SPOCK1: variants seen among roughly 807,000 people sequenced by gnomAD.
SPOCK1 encodes SPARC (osteonectin), cwcv and kazal like domains proteoglycan 1, also known as testican-1.
SPOCK1 carries 23 observed loss-of-function variants against 55.3 expected under a neutral mutation model. The observed-to-expected ratio is 0.42, with a 90% CI of 0.30 to 0.59. SPOCK1 has a LOEUF of 0.59. Ranked by LOEUF, SPOCK1 falls within the 20% of genes least tolerant of loss-of-function variation. SPOCK1 has a pLI of 0.22. For synonymous variants in SPOCK1, 226 were observed against 221.0 expected (o/e 1.02, Z -0.20); for missense variants, 499 against 552.5 (o/e 0.90, Z 0.97).
At chr5:137,123,426 G>A (rs769736190) in intron 4 of SPOCK1, among the ~76,000 whole-genome samples, 9 of 152,022 alleles carry the variant, frequency 5.9e-5, no homozygotes, top group Non-Finnish European at 1.5e-5. Flanking sequence ...CATTTGCCCC[G>A]TGTTCCCAGC....
At chr5:137,178,268 T>C (rs111895651) in intron 3 of SPOCK1, among the ~76,000 whole-genome samples, 48 of 152,234 alleles carry the variant, frequency 3.2e-4, no homozygotes, top group African/African-American at 1.0e-3. Flanking sequence ...TGTTTAGCTC[T>C]CAATCCCCTG....
chr5:137,304,058 G>A (rs2127138531), intron 2 of SPOCK1, among the ~76,000 whole-genome samples: 1 of 102,526 alleles, frequency 9.8e-6, no homozygotes, highest in African/African-American at 4.8e-5. Flanking sequence ...TCCCCAAAAT[G>A]CAATGGGTTT....
intron 2 of SPOCK1, among the ~76,000 whole-genome samples, chr5:137,362,972 A>G (rs1291580197): frequency 1.3e-5 from 2 of 152,220 alleles, no homozygotes; most frequent in African/African-American, 4.8e-5. Context: ...GGCTCAACTC[A>G]ACCCTAGGTT....
chr5:137,038,934 G>C (rs1751935840), intron 6 of SPOCK1, among the ~76,000 whole-genome samples: 1 of 152,080 alleles, frequency 6.6e-6, no homozygotes, highest in South Asian at 2.1e-4. Flanking sequence ...AAACAAAAAC[G>C]GTTCTCTGAC....
chr5:137,190,484 T>C lies in SPOCK1; in HGVS notation c.233-49790A>G, dbSNP rs191308838. ...TAAAATATTTTTAAATTAAGGTATGTACATTGATTTTTAAGATATAATCCT... is the reference window on the plus strand; with the variant it reads ...TAAAATATTTTTAAATTAAGGTATGCACATTGATTTTTAAGATATAATCCT... On this transcript the variant is annotated intron_variant, in intron 3 of 10. Coordinates refer to ENST00000394945, the MANE Select transcript of SPOCK1 (RefSeq NM_004598.4). Among the ~76,000 whole-genome samples the C allele has an allele frequency of 4.0e-3, 604 of 152,340 alleles. 3 individuals are homozygous for C. Among genetic ancestry groups the C allele is most frequent in the African/African-American group, 9.8e-3 (406 of 41,582 alleles).
At chr5:137,187,765 T>C (rs1372231267) in intron 3 of SPOCK1, among the ~76,000 whole-genome samples, 1 of 152,160 alleles carries the variant, frequency 6.6e-6, no homozygotes, top group East Asian at 1.9e-4. Flanking sequence ...TGTATAGTTA[T>C]GTGGGAGCCT....
intron 2 of SPOCK1, among the ~76,000 whole-genome samples, chr5:137,273,856 A>G (rs192958973): frequency 9.4e-4 from 143 of 152,340 alleles, no homozygotes; most frequent in African/African-American, 3.4e-3. Context: ...TGCAGTTTCA[A>G]AATAGCTTGA....
At chr5:137,337,842 G>A (rs1185057918) in intron 2 of SPOCK1, among the ~76,000 whole-genome samples, 1 of 152,150 alleles carries the variant, frequency 6.6e-6, no homozygotes, top group African/African-American at 2.4e-5. Flanking sequence ...TTTCAAACAA[G>A]TATGTCCACA....
intron 7 of SPOCK1, among the ~76,000 whole-genome samples, chr5:136,990,248 T>C (rs1360296602): frequency 6.6e-6 from 1 of 152,066 alleles, no homozygotes; most frequent in African/African-American, 2.4e-5. Context: ...TGCAGAAAAG[T>C]CTTCACTGTC....
At chr5:137,031,110 A>G (rs1057441362) in intron 6 of SPOCK1, among the ~76,000 whole-genome samples, 19 of 152,244 alleles carry the variant, frequency 1.2e-4, no homozygotes, top group African/African-American at 4.3e-4. Flanking sequence ...CACAAATAAA[A>G]CTAACAATAA....
chr5:137,111,824 A>G (rs1004763243), intron 5 of SPOCK1, among the ~76,000 whole-genome samples: 3 of 152,126 alleles, frequency 2.0e-5, no homozygotes, highest in African/African-American at 7.2e-5. Context: ...AAATATAAAT[A>G]GACATATTTT....
At chr5:137,332,265 CA>C (rs1474050346) in intron 2 of SPOCK1, among the ~76,000 whole-genome samples, 1 of 152,128 alleles carries the variant, frequency 6.6e-6, no homozygotes, top group Non-Finnish European at 1.5e-5. Context: ...GACCTGAGCT[CA>C]CAAGTTCCCT....
intron 2 of SPOCK1, among the ~76,000 whole-genome samples, chr5:137,282,619 G>T (rs774724903): frequency 6.6e-5 from 10 of 152,208 alleles, no homozygotes; most frequent in Non-Finnish European, 1.3e-4. Context: ...AAAGCTGCCA[G>T]GTTCAAAGTC....
intron 3 of SPOCK1, among the ~76,000 whole-genome samples, chr5:137,209,929 G>A (rs1755581624): frequency 6.6e-6 from 1 of 152,180 alleles, no homozygotes; most frequent in Non-Finnish European, 1.5e-5. Context: ...TACTTTCAGT[G>A]CTCTCAATGT....
chr5:137,102,715 C>T (rs1266292837), intron 5 of SPOCK1, among the ~76,000 whole-genome samples: 1 of 152,074 alleles, frequency 6.6e-6, no homozygotes, highest in Non-Finnish European at 1.5e-5. Context: ...TACTTACTAG[C>T]GATATTGACC....
At chr5:137,200,976 A>G (rs546699062) in intron 3 of SPOCK1, among the ~76,000 whole-genome samples, 1 of 152,226 alleles carries the variant, frequency 6.6e-6, no homozygotes, top group South Asian at 2.1e-4. Context: ...AGCAAGCCCC[A>G]CTCTGTTTTA....
At chr5:137,124,484 A>G (rs1753743697) in intron 4 of SPOCK1, among the ~76,000 whole-genome samples, 1 of 152,192 alleles carries the variant, frequency 6.6e-6, no homozygotes. Flanking sequence ...GAGAGGAATC[A>G]GACCTTAGAG....
intron 6 of SPOCK1, among the ~76,000 whole-genome samples, chr5:137,042,115 G>GTGA (rs1393555235): frequency 3.3e-5 from 5 of 152,106 alleles, no homozygotes; most frequent in African/African-American, 1.2e-4. Context: ...CTACTATTCA[G>GTGA]TGATAAAAAA....
intron 3 of SPOCK1, among the ~76,000 whole-genome samples, chr5:137,228,436 T>G (rs1440696478): frequency 1.3e-5 from 2 of 152,192 alleles, no homozygotes; most frequent in Admixed American, 6.5e-5. Context: ...AGGCCAGGAA[T>G]TCGAGACCAG....
Sources: gnomAD v4.1 joint callset for allele counts (sites outside exome capture counted in the v4.1 genomes callset) on GRCh38, gnomAD v4.1.1 for gene constraint, MANE v1.5 for transcripts, NCBI Gene and HGNC (gene_info 2026-07-23, HGNC 2026-07-21) for gene names.